Variants in ROBO2 observed in about 807,000 individuals in gnomAD.
ROBO2 encodes roundabout homolog 2.
A neutral mutation model predicts 160.8 loss-of-function variants in ROBO2; 53 were observed. That is an observed-to-expected ratio of 0.33 (90% CI 0.26 to 0.41). The LOEUF (loss-of-function observed/expected upper bound fraction) is 0.41. ROBO2 is among the 10% of genes least tolerant of loss of function. The pLI, the probability that ROBO2 is intolerant of heterozygous loss-of-function variation, is 1.00. For missense variants in ROBO2, 1,577 were observed against 1,722.4 expected (o/e 0.92, Z 1.49); for synonymous variants, 664 against 611.7 (o/e 1.09, Z -1.26).
At chr3:77,475,582 G>T (rs142084038) in intron 2 of ROBO2, among the ~76,000 whole-genome samples, 2 of 152,298 alleles carry the variant, frequency 1.3e-5, no homozygotes, top group African/African-American at 4.8e-5. Context: ...TGCCATTTTG[G>T]AACAGATTGA....
chr3:76,886,749 C>T (rs936797324), intron 2 of ROBO2, among the ~76,000 whole-genome samples: 1 of 151,550 alleles, frequency 6.6e-6, no homozygotes, highest in African/African-American at 2.4e-5. Flanking sequence ...AATATGGTCA[C>T]GTTATAAAGT....
chr3:76,829,560 A>G (rs2066888663), intron 2 of ROBO2, among the ~76,000 whole-genome samples: 1 of 150,528 alleles, frequency 6.6e-6, no homozygotes, highest in Admixed American at 6.6e-5. Flanking sequence ...ATCTAATTCC[A>G]TTCTAGGTTT....
At chr3:77,395,541 T>C (rs570862374) in intron 2 of ROBO2, among the ~76,000 whole-genome samples, 2 of 152,268 alleles carry the variant, frequency 1.3e-5, no homozygotes, top group Admixed American at 1.3e-4. Context: ...TTAGATGTGT[T>C]TGGATTAATC....
chr3:77,595,089 A>G (rs2094269103), intron 17 of ROBO2, 53 bp from the exon 19 acceptor site: 3 of 1,437,842 alleles, frequency 2.1e-6, no homozygotes, highest in African/African-American at 1.4e-5. Context: ...ATTAATTGTA[A>G]TTAATATTGA....
chr3:76,274,595 T>G (rs1204047687), intron 2 of ROBO2, among the ~76,000 whole-genome samples: 1 of 151,978 alleles, frequency 6.6e-6, no homozygotes, highest in Non-Finnish European at 1.5e-5. Flanking sequence ...TTCCAGCACT[T>G]TGGGAGGCCG....
intron 2 of ROBO2, among the ~76,000 whole-genome samples, chr3:76,516,035 G>C (rs1039649525): frequency 6.6e-6 from 1 of 152,106 alleles, no homozygotes; most frequent in East Asian, 1.9e-4. Flanking sequence ...GCTAGATTTA[G>C]ACATCTAGTG....
intron 2 of ROBO2, among the ~76,000 whole-genome samples, chr3:76,641,140 A>G (rs1048839115): frequency 6.6e-6 from 1 of 152,226 alleles, no homozygotes; most frequent in Non-Finnish European, 1.5e-5. Context: ...TGATAAAATC[A>G]GTAGCCCACA....
chr3:76,665,048 A>AT (rs1178537842), intron 2 of ROBO2, among the ~76,000 whole-genome samples: 1 of 152,004 alleles, frequency 6.6e-6, no homozygotes, highest in Non-Finnish European at 1.5e-5. Flanking sequence ...TGATAGCACC[A>AT]TTTTTTTCCA....
chr3:76,655,905 A>G (rs1277404393), intron 2 of ROBO2, among the ~76,000 whole-genome samples: 1 of 152,124 alleles, frequency 6.6e-6, no homozygotes, highest in East Asian at 1.9e-4. Context: ...GTATGACATT[A>G]TTACATATAT....
intron 2 of ROBO2, among the ~76,000 whole-genome samples, chr3:77,261,559 AT>A (rs957918284): frequency 3.3e-5 from 5 of 152,148 alleles, no homozygotes; most frequent in Admixed American, 6.5e-5. Flanking sequence ...TACAGTATAT[AT>A]TTTAATGAAA....
chr3:77,324,251 T>G (rs2065123120), intron 2 of ROBO2, among the ~76,000 whole-genome samples: 1 of 152,166 alleles, frequency 6.6e-6, no homozygotes, highest in Non-Finnish European at 1.5e-5. Flanking sequence ...TAGCATGGAC[T>G]CAAAAGATGG....
intron 4 of ROBO2, among the ~76,000 whole-genome samples, chr3:77,481,987 A>T (rs922455735): frequency 2.0e-5 from 3 of 152,176 alleles, no homozygotes; most frequent in African/African-American, 7.2e-5. Context: ...TATGCTAAAG[A>T]TACTCAAAAA....
At chr3:76,818,354 T>G (rs962951388) in intron 2 of ROBO2, among the ~76,000 whole-genome samples, 1 of 152,068 alleles carries the variant, frequency 6.6e-6, no homozygotes, top group Admixed American at 6.6e-5. Flanking sequence ...GTTTTTTTTC[T>G]TGATGATTTG....
At chr3:77,416,931 C>T (rs891781434) in intron 2 of ROBO2, among the ~76,000 whole-genome samples, 4 of 151,864 alleles carry the variant, frequency 2.6e-5, no homozygotes, top group East Asian at 3.9e-4. Flanking sequence ...TGTAGATTGC[C>T]GAGGATGAGA....
chr3:77,199,210 A>T (rs2150999349), intron 2 of ROBO2, among the ~76,000 whole-genome samples: 1 of 152,310 alleles, frequency 6.6e-6, no homozygotes, highest in Non-Finnish European at 1.5e-5. Flanking sequence ...TTGAGGCAGT[A>T]CCCACTCCTT....
chr3:76,143,947 CTT>C (rs773919642), intron 2 of ROBO2, among the ~76,000 whole-genome samples: 3 of 151,674 alleles, frequency 2.0e-5, no homozygotes, highest in Non-Finnish European at 4.4e-5. Flanking sequence ...AAAATTCTCT[CTT>C]ATTCTGCCTT....
At chr3:76,102,637 T>G (rs1430481862) in intron 2 of ROBO2, among the ~76,000 whole-genome samples, 1 of 152,198 alleles carries the variant, frequency 6.6e-6, no homozygotes, top group Non-Finnish European at 1.5e-5. Context: ...GCATTGGATT[T>G]AGTGATTATG....
chr3:77,062,748 A>G (rs551498542), intron 1 of ROBO2, among the ~76,000 whole-genome samples: 253 of 152,328 alleles, frequency 1.7e-3, no homozygotes, highest in African/African-American at 5.8e-3. Flanking sequence ...GGGAACTTCT[A>G]TAAAGTGTTT....
chr3:77,439,313 C>G (rs187528668), intron 2 of ROBO2, among the ~76,000 whole-genome samples: 28 of 151,984 alleles, frequency 1.8e-4, no homozygotes, highest in Non-Finnish European at 3.5e-4. Context: ...CAACTTTGCT[C>G]AGGATTTGAA....
Sources: gnomAD v4.1 joint callset for allele counts (sites outside exome capture counted in the v4.1 genomes callset) on GRCh38, gnomAD v4.1.1 for gene constraint, MANE v1.5 for transcripts, NCBI Gene and HGNC (gene_info 2026-07-23, HGNC 2026-07-21) for gene names.